The following CNTN5 variants were observed in gnomAD, a reference collection of about 807,000 sequenced individuals.
CNTN5 encodes contactin-5.
Under a neutral mutation model 129.1 loss-of-function variants are expected in CNTN5, and 77 were observed. The ratio of observed to expected loss-of-function variants is 0.60; its 90% CI spans 0.50 to 0.72. The LOEUF is 0.72. Among genes scored for constraint, CNTN5 ranks in the 30% least tolerant of loss-of-function variants. The pLI, the probability that CNTN5 is intolerant of heterozygous loss-of-function variation, is 0.00. For synonymous variants in CNTN5, 509 were observed against 465.6 expected, an observed-to-expected ratio of 1.09 and a Z score of -1.20; for missense variants, 1,478 against 1,328.8, an observed-to-expected ratio of 1.11 and a Z score of -1.75.
At chr11:100,019,853 A>G (rs1161410427) in intron 9 of CNTN5, among the ~76,000 whole-genome samples, 1 of 151,968 alleles carries the variant, frequency 6.6e-6, no homozygotes, top group African/African-American at 2.4e-5. Flanking sequence ...AATACTTGTT[A>G]TCTTTTGTCT....
In CNTN5 at chr11:100,046,833, G is replaced by A. The variant is rs150722711; in HGVS notation, c.981-14379G>A. Among the ~76,000 whole-genome samples, 143 of 152,220 alleles carry A rather than the reference G, an allele frequency of 9.4e-4. No individual in the cohort carries two copies. The East Asian group carries it at 0.013, about 14-fold the overall frequency. ...GTTGTTGTCATATATTGGATAACAG[G>A]CATTGCAGGAATGTGATCCCTCAGA... On this transcript the variant is annotated intron_variant, in intron 9 of 24. Coordinates refer to ENST00000524871, the MANE Select transcript of CNTN5 (RefSeq NM_014361.4).
intron 2 of CNTN5, among the ~76,000 whole-genome samples, chr11:99,497,680 T>C (rs1946278035): frequency 6.6e-6 from 1 of 152,146 alleles, no homozygotes; most frequent in Non-Finnish European, 1.5e-5. Context: ...AAATAAACTC[T>C]GCTAGATATT....
At chr11:99,079,182 G>A (rs576568178) in intron 1 of CNTN5, among the ~76,000 whole-genome samples, 2 of 152,098 alleles carry the variant, frequency 1.3e-5, no homozygotes, top group Non-Finnish European at 2.9e-5. Context: ...TAATTTTAAT[G>A]GTACATAATT....
chr11:100,061,485 C>T (rs2137808518), intron 10 of CNTN5, 92 bp downstream of exon 10: 2 of 907,650 alleles, frequency 2.2e-6, no homozygotes, highest in Non-Finnish European at 3.2e-6. Context: ...TTGTTAGGTA[C>T]ATAAAAACCA....
chr11:100,017,087 G>T (rs1286001614), intron 9 of CNTN5, among the ~76,000 whole-genome samples: 1 of 151,794 alleles, frequency 6.6e-6, no homozygotes, highest in East Asian at 1.9e-4. Context: ...TTCTTTGGGA[G>T]GTTGAATCAA....
intron 2 of CNTN5, among the ~76,000 whole-genome samples, chr11:99,484,752 T>A (rs921962253): frequency 4.0e-5 from 6 of 150,908 alleles, no homozygotes; most frequent in Admixed American, 6.6e-5. Context: ...CGAATGGAAC[T>A]GAAGACATTA....
At chr11:99,068,980 TC>T (rs201021255) in intron 1 of CNTN5, among the ~76,000 whole-genome samples, 1,790 of 152,234 alleles carry the variant, frequency 0.012, 10 homozygotes, top group South Asian at 0.021. Flanking sequence ...TAGCCACAGT[TC>T]CAGGAGAGAT....
At chr11:100,005,947 A>G (rs1011458270) in intron 9 of CNTN5, among the ~76,000 whole-genome samples, 1 of 152,134 alleles carries the variant, frequency 6.6e-6, no homozygotes, top group Middle Eastern at 3.2e-3. Flanking sequence ...CATTGAACCA[A>G]ATATGTTCCT....
At chr11:100,008,014 G>A (rs764786080) in intron 9 of CNTN5, among the ~76,000 whole-genome samples, 5 of 152,034 alleles carry the variant, frequency 3.3e-5, no homozygotes, top group Non-Finnish European at 7.4e-5. Flanking sequence ...CCTGAAGAGA[G>A]GGAGAGAGAT....
intron 1 of CNTN5, among the ~76,000 whole-genome samples, chr11:99,078,464 A>C (rs1349648379): frequency 6.6e-6 from 1 of 152,248 alleles, no homozygotes; most frequent in Non-Finnish European, 1.5e-5. Flanking sequence ...TATATCAAAG[A>C]GATATCTGGA....
chr11:99,486,458 T>C (rs1945815897), intron 2 of CNTN5, among the ~76,000 whole-genome samples: 1 of 151,946 alleles, frequency 6.6e-6, no homozygotes, highest in South Asian at 2.1e-4. Context: ...GTCAGTATAT[T>C]ATTCCATTTT....
chr11:99,075,570 A>G (rs1387738447), intron 1 of CNTN5, among the ~76,000 whole-genome samples: 4 of 152,138 alleles, frequency 2.6e-5, no homozygotes, highest in East Asian at 1.9e-4. Flanking sequence ...TGAAAGAGAA[A>G]TTGTAGTAAT....
At chr11:100,265,290 GC>G (rs1182088097) in intron 17 of CNTN5, among the ~76,000 whole-genome samples, 1 of 152,072 alleles carries the variant, frequency 6.6e-6, no homozygotes, top group Non-Finnish European at 1.5e-5. Flanking sequence ...GCAGCTATTG[GC>G]AGAGGCATGC....
intron 2 of CNTN5, among the ~76,000 whole-genome samples, chr11:99,528,272 A>G (rs1591223149): frequency 6.6e-6 from 1 of 152,250 alleles, no homozygotes; most frequent in East Asian, 1.9e-4. Flanking sequence ...AATTTACACA[A>G]TAAAATACAC....
chr11:100,246,742 A>G (rs1396470753), intron 16 of CNTN5, among the ~76,000 whole-genome samples: 3 of 152,214 alleles, frequency 2.0e-5, no homozygotes, highest in African/African-American at 7.2e-5. Flanking sequence ...TAATTTTGTA[A>G]AGATGTATTA....
At chr11:100,181,473 G>T (rs1340780128) in intron 13 of CNTN5, among the ~76,000 whole-genome samples, 1 of 151,890 alleles carries the variant, frequency 6.6e-6, no homozygotes, top group Non-Finnish European at 1.5e-5. Context: ...ATAAAGAATC[G>T]GTGGGTTAGA....
chr11:99,551,693 A>C (rs550603254), intron 2 of CNTN5, among the ~76,000 whole-genome samples: 1 of 152,146 alleles, frequency 6.6e-6, no homozygotes, highest in Non-Finnish European at 1.5e-5. Flanking sequence ...AATATAGTCT[A>C]TTGCTTCTAG....
intron 1 of CNTN5, among the ~76,000 whole-genome samples, chr11:99,070,127 C>T (rs1258784446): frequency 1.3e-5 from 2 of 152,134 alleles, no homozygotes; most frequent in Non-Finnish European, 2.9e-5. Context: ...CTGTCCTGGC[C>T]GTGCTCTGGG....
intron 1 of CNTN5, among the ~76,000 whole-genome samples, chr11:99,239,727 A>G (rs975720826): frequency 6.6e-6 from 1 of 152,136 alleles, no homozygotes; most frequent in Non-Finnish European, 1.5e-5. Context: ...CGAGGTCAGC[A>G]GATCGAGACC....
Sources: allele counts gnomAD v4.1 joint callset (sites outside exome capture counted in the v4.1 genomes callset), GRCh38; gene constraint gnomAD v4.1.1; transcripts MANE v1.5; gene names NCBI Gene and HGNC (gene_info 2026-07-23, HGNC 2026-07-21).